PITPNC1: variants seen among roughly 807,000 people sequenced by gnomAD.
PITPNC1 encodes phosphatidylinositol transfer protein cytoplasmic 1.
A neutral mutation model predicts 44.7 loss-of-function variants in PITPNC1; 18 were observed. That is an observed-to-expected ratio of 0.40 (90% confidence interval 0.28 to 0.60). The LOEUF (loss-of-function observed/expected upper bound fraction) is 0.60, where lower values mean the gene tolerates loss of function less well. Ranked by LOEUF, PITPNC1 falls within the 20% of genes least tolerant of loss-of-function variation. PITPNC1 has a pLI of 0.39. For missense variants in PITPNC1, 290 were observed against 418.4 expected, an observed-to-expected ratio of 0.69 and a Z score of 2.68; for synonymous variants, 141 against 149.6, an observed-to-expected ratio of 0.94 and a Z score of 0.42.
chr17:67,541,099 C>G (rs373852590), intron 2 of PITPNC1, among the ~76,000 whole-genome samples: 2 of 152,256 alleles, frequency 1.3e-5, no homozygotes, highest in African/African-American at 4.8e-5. Context: ...CCTGTAATCC[C>G]AGCTACTCGG....
At chr17:67,611,878 A>G (rs2041691614) in intron 5 of PITPNC1, 1 of 152,182 alleles carries the variant, frequency 6.6e-6, no homozygotes, top group African/African-American at 2.4e-5. Flanking sequence ...TAATGGTTCA[A>G]CCTTTCTTGG....
intron 5 of PITPNC1, among the ~76,000 whole-genome samples, chr17:67,610,169 G>C (rs1271626484): frequency 6.6e-6 from 1 of 152,114 alleles, no homozygotes; most frequent in Non-Finnish European, 1.5e-5. Context: ...CATTACCTGG[G>C]AGCTTGTTAG....
At chr17:67,628,007 A>G (rs1275355527) in intron 5 of PITPNC1, among the ~76,000 whole-genome samples, 2 of 150,306 alleles carry the variant, frequency 1.3e-5, no homozygotes, top group Admixed American at 6.7e-5. Flanking sequence ...GCTCACTGCA[A>G]TCTCTGCCTC....
chr17:67,622,381 C>CAT (rs57000667), intron 5 of PITPNC1, among the ~76,000 whole-genome samples: 14,668 of 147,870 alleles, frequency 0.099, 1,793 homozygotes, highest in African/African-American at 0.29. Context: ...ATTGTATATT[C>CAT]ATATATATAT....
chr17:67,499,287 T>C (rs141354741), intron 1 of PITPNC1, among the ~76,000 whole-genome samples: 3,823 of 152,274 alleles, frequency 0.025, 72 homozygotes, highest in Non-Finnish European at 0.038. Flanking sequence ...TGATCTCAGC[T>C]CACTGCAACC....
chr17:67,503,228 TG>T (rs59971328), intron 1 of PITPNC1, among the ~76,000 whole-genome samples: 111,128 of 152,070 alleles, frequency 0.73, 40,734 homozygotes, highest in Middle Eastern at 0.84. Context: ...CAGGTTGTAC[TG>T]GGGGTTGGGG....
At chr17:67,690,363 G>A (rs1037548813) in intron 8 of PITPNC1, among the ~76,000 whole-genome samples, 17 of 150,360 alleles carry the variant, frequency 1.1e-4, no homozygotes, top group African/African-American at 3.7e-4. Context: ...CAGGAGAATC[G>A]CTTGAACCCC....
chr17:67,493,131 C>G (rs2039886212), intron 1 of PITPNC1, among the ~76,000 whole-genome samples: 1 of 152,170 alleles, frequency 6.6e-6, no homozygotes, highest in Admixed American at 6.5e-5. Flanking sequence ...AATGGAGAAT[C>G]CAATGGTAGA....
At chr17:67,392,386 T>C (rs1195932273) in intron 1 of PITPNC1, among the ~76,000 whole-genome samples, 1 of 152,130 alleles carries the variant, frequency 6.6e-6, no homozygotes, top group Non-Finnish European at 1.5e-5. Flanking sequence ...ATTATTCTTT[T>C]ATAGTCACAC....
chr17:67,667,077 G>T (rs1460883291), intron 6 of PITPNC1, among the ~76,000 whole-genome samples: 2 of 152,148 alleles, frequency 1.3e-5, no homozygotes, highest in African/African-American at 4.8e-5. Flanking sequence ...CTCCTGGGAG[G>T]GGAGATGCCA....
intron 1 of PITPNC1, among the ~76,000 whole-genome samples, chr17:67,512,156 C>G (rs565941346): frequency 4.6e-5 from 7 of 152,316 alleles, no homozygotes; most frequent in Admixed American, 4.6e-4. Flanking sequence ...AACTACTCCA[C>G]TAGTATGTGA....
chr17:67,425,191 GCGCACGCACA>G (rs1352367241), intron 1 of PITPNC1, among the ~76,000 whole-genome samples: 1 of 38,640 alleles, frequency 2.6e-5, no homozygotes, highest in East Asian at 5.2e-4. Context: ...TGTTGTGCGC[GCGCACGCACA>G]CGCACACACA....
At chr17:67,575,858 CCTTCCTTCTTTCTTTCTTTCCTTTT>C (rs2041139515) in intron 4 of PITPNC1, among the ~76,000 whole-genome samples, 1 of 17,534 alleles carries the variant, frequency 5.7e-5, no homozygotes, top group Non-Finnish European at 1.6e-4. Context: ...TTCTTTCTTT[CCTTCCTTCTTTCTTTCTTTCCTTTT>C]TTTTTTTTTT....
In PITPNC1 at chr17:67,566,451, G is replaced by A. The variant is rs532722622; in HGVS notation, c.295-11735G>A. On this transcript the variant is annotated intron_variant, in intron 4 of 8. Transcript: ENST00000581322. ...ACTCCTGGCCTCAAGTGATCCACCCGTGTCAGCCTCCCAAAGTGCTGGGAT... is the reference window on the plus strand; with the variant it reads ...ACTCCTGGCCTCAAGTGATCCACCCATGTCAGCCTCCCAAAGTGCTGGGAT... Among the ~76,000 whole-genome samples the A allele has an allele frequency of 9.0e-4, 137 of 152,246 alleles. 1 individual carries two copies. The highest frequency in any genetic ancestry group is 2.7e-3 in the African/African-American group (112 of 41,540).
intron 4 of PITPNC1, among the ~76,000 whole-genome samples, chr17:67,564,021 T>C (rs545694998): frequency 3.9e-5 from 6 of 152,182 alleles, no homozygotes; most frequent in Admixed American, 3.3e-4. Flanking sequence ...AGTAGATAGA[T>C]AGATGATAGA....
At chr17:67,569,942 C>A (rs2041029790) in intron 4 of PITPNC1, among the ~76,000 whole-genome samples, 1 of 152,102 alleles carries the variant, frequency 6.6e-6, no homozygotes, top group African/African-American at 2.4e-5. Context: ...GGATTCGAGA[C>A]CTGGAGTGAG....
At chr17:67,653,939 A>T (rs1217074005) in intron 6 of PITPNC1, among the ~76,000 whole-genome samples, 1 of 152,100 alleles carries the variant, frequency 6.6e-6, no homozygotes, top group African/African-American at 2.4e-5. Context: ...TTTGAGGCTC[A>T]CCCATCCTGC....
chr17:67,381,792 T>C (rs1171618352), intron 1 of PITPNC1, among the ~76,000 whole-genome samples: 1 of 152,196 alleles, frequency 6.6e-6, no homozygotes, highest in Non-Finnish European at 1.5e-5. Context: ...TTGGTAGCAG[T>C]GTCCATACTT....
chr17:67,524,369 C>T (rs2040368356), intron 1 of PITPNC1: 1 of 151,820 alleles, frequency 6.6e-6, no homozygotes, highest in African/African-American at 2.4e-5. Context: ...CGCTTGAGCA[C>T]TGGGGGTCAA....
Sources: allele counts gnomAD v4.1 joint callset (sites outside exome capture counted in the v4.1 genomes callset), GRCh38; gene constraint gnomAD v4.1.1; transcripts MANE v1.5; gene names NCBI Gene and HGNC (gene_info 2026-07-23, HGNC 2026-07-21).